The following RAB35 variants were observed in gnomAD, a reference collection of about 807,000 sequenced individuals.
RAB35 encodes the protein RAB35, member RAS oncogene family, also known as ras-related protein Rab-35.
Under a neutral mutation model 28.9 loss-of-function variants are expected in RAB35, and 4 were observed. That is an observed-to-expected ratio of 0.14 (90% CI 0.07 to 0.32). The LOEUF (loss-of-function observed/expected upper bound fraction) is 0.32. Ranked by LOEUF, RAB35 falls within the 10% of genes least tolerant of loss-of-function variation. RAB35 has a pLI of 1.00. For missense variants in RAB35, 128 were observed against 274.0 expected, an observed-to-expected ratio of 0.47 and a Z score of 3.76; for synonymous variants, 99 against 105.1, an observed-to-expected ratio of 0.94 and a Z score of 0.35.
intron 3 of RAB35, 162 bp from the exon 4 acceptor site, chr12:120,099,316 G>T: frequency 2.2e-6 from 2 of 901,592 alleles, no homozygotes; most frequent in Non-Finnish European, 3.3e-6. Context: ...GCCACAACAG[G>T]CCAGCAGGAG....
At chr12:120,114,738 A>G (rs183976481) in intron 1 of RAB35, among the ~76,000 whole-genome samples, 1 of 152,312 alleles carries the variant, frequency 6.6e-6, no homozygotes, top group African/African-American at 2.4e-5. Flanking sequence ...TCAATTCATC[A>G]CACAAAATGT....
intron 3 of RAB35, among the ~76,000 whole-genome samples, chr12:120,101,731 A>G (rs1875664843): frequency 7.0e-6 from 1 of 142,654 alleles, no homozygotes; most frequent in African/African-American, 2.8e-5. Context: ...CTGCTTCCCC[A>G]GACACGTGGG....
At chr12:120,106,205 G>C (rs1875866171) in intron 2 of RAB35, among the ~76,000 whole-genome samples, 1 of 152,154 alleles carries the variant, frequency 6.6e-6, no homozygotes. Context: ...GGATGGGGAG[G>C]GAGGAGGCCA....
chr12:120,113,600 C>T (rs984217677), intron 1 of RAB35, among the ~76,000 whole-genome samples: 1 of 152,034 alleles, frequency 6.6e-6, no homozygotes, highest in Non-Finnish European at 1.5e-5. Context: ...GGGCGGATCA[C>T]GAGGTCAGGA....
intron 3 of RAB35, 55 bp from the exon 4 acceptor site, chr12:120,099,209 G>C (rs1393871920): frequency 2.5e-6 from 4 of 1,608,438 alleles, no homozygotes; most frequent in African/African-American, 2.7e-5. Flanking sequence ...TCACCCCCTT[G>C]CCGGGACCCA....
chr12:120,108,499 G>A lies in RAB35; in HGVS notation c.53-32C>T, dbSNP rs769016925. ...GAGAGAAAGCACTGCGATGAGGGGG[G>A]CAGGTGGGTCCCCTCCCCGCAGCCC... On this transcript the variant is annotated intron_variant, in intron 1 of 5. Transcript: ENST00000229340. 6 of 1,603,060 alleles carry A rather than the reference G, an allele frequency of 3.7e-6. No individual in the cohort carries two copies. The East Asian group carries it at 8.9e-5, about 24-fold the overall frequency.
At chr12:120,107,069 A>G (rs540799998) in intron 2 of RAB35, among the ~76,000 whole-genome samples, 1 of 149,174 alleles carries the variant, frequency 6.7e-6, no homozygotes, top group South Asian at 2.1e-4. Flanking sequence ...GCTCACTGCA[A>G]CCTCCCTCTC....
intron 1 of RAB35, among the ~76,000 whole-genome samples, chr12:120,110,245 T>C (rs2139060110): frequency 6.7e-6 from 1 of 149,792 alleles, no homozygotes; most frequent in South Asian, 2.1e-4. Context: ...TGAAACAAAG[T>C]GCAGATTTGA....
Position 120,108,104 on chromosome 12 carries a change from G to A in RAB35, c.103+313C>T, listed in dbSNP as rs7135839. Among the ~76,000 whole-genome samples, 646 of 152,058 alleles carry A rather than the reference G, an allele frequency of 4.2e-3. 3 individuals are homozygous for A. The highest frequency in any genetic ancestry group is 0.013 in the African/African-American group (558 of 41,500). On this transcript the variant is annotated intron_variant, in intron 2 of 5. Transcript: ENST00000229340. ...CCACAGGCTGCCAGGGAGGCATAGG[G>A]GGCAGGAGCAGGGACTGTGTCCCGG... is the stretch of plus-strand genomic sequence containing the variant.
chr12:120,110,301 T>TTTTTTTTTTTTTTTTTTTTTTTTG, intron 1 of RAB35, among the ~76,000 whole-genome samples: 1 of 147,064 alleles, frequency 6.8e-6, no homozygotes, highest in African/African-American at 2.5e-5. Context: ...TTTTTTTTTT[T>TTTTTTTTTTTTTTTTTTTTTTTTG]TTTGGAGAGA....
chr12:120,108,823 G>C (rs1291287508), intron 1 of RAB35: 1 of 416,524 alleles, frequency 2.4e-6, no homozygotes, highest in African/African-American at 2.0e-5. Context: ...CCCCAAGTGC[G>C]TCTACAACAT....
chr12:120,101,425 G>A (rs560514633), intron 3 of RAB35, among the ~76,000 whole-genome samples: 72 of 152,274 alleles, frequency 4.7e-4, no homozygotes, highest in African/African-American at 1.5e-3. Flanking sequence ...TCTCAGGGCC[G>A]GCAAACCTCA....
chr12:120,107,134 A>C (rs187786576), intron 2 of RAB35, among the ~76,000 whole-genome samples: 4 of 151,792 alleles, frequency 2.6e-5, no homozygotes, highest in Admixed American at 2.6e-4. Context: ...GATTATAGGT[A>C]TGCACCACCA....
intron 1 of RAB35, among the ~76,000 whole-genome samples, chr12:120,108,857 C>T (rs1447298311): frequency 1.3e-5 from 2 of 152,228 alleles, no homozygotes; most frequent in South Asian, 2.1e-4. Context: ...GTGCACAGCA[C>T]GTTGTAGCAC....
At chr12:120,098,263 A>G (rs1273995224) in intron 5 of RAB35, among the ~76,000 whole-genome samples, 1 of 152,228 alleles carries the variant, frequency 6.6e-6, no homozygotes, top group East Asian at 1.9e-4. Flanking sequence ...TGCCTGCTCC[A>G]CGCCACTTCA....
intron 2 of RAB35, among the ~76,000 whole-genome samples, chr12:120,106,661 G>A (rs1015740437): frequency 2.0e-5 from 3 of 148,556 alleles, no homozygotes; most frequent in African/African-American, 5.0e-5. Context: ...ACAAGATCTC[G>A]GCTCACTGCA....
Position 120,110,189 on chromosome 12 carries a change from C to A in RAB35, c.53-1722G>T, listed in dbSNP as rs6490285. 4.1e-3 allele frequency among the ~76,000 whole-genome samples: 623 copies of A among 151,788 alleles called. 3 individuals are homozygous for A. The highest frequency in any genetic ancestry group is 0.013 in the African/African-American group (535 of 41,364). On this transcript the variant is annotated intron_variant, in intron 1 of 5. Coordinates refer to ENST00000229340, the MANE Select transcript of RAB35 (RefSeq NM_006861.7). ...CCTGTGGGGGCTCCAACATCTCACTCCTGTTAGATTTTTAATGAAAATGCC... is the reference window on the plus strand; with the variant it reads ...CCTGTGGGGGCTCCAACATCTCACTACTGTTAGATTTTTAATGAAAATGCC...
At position 120,097,086 on chromosome 12, in the gene RAB35, G is replaced by T; in HGVS notation, c.*159C>A. The T allele has an allele frequency of 1.9e-6, 3 of 1,564,148 alleles. No homozygotes were observed. Among genetic ancestry groups the T allele is most frequent in the Non-Finnish European group, 2.6e-6 (3 of 1,160,914 alleles). On this transcript the variant is annotated 3_prime_UTR_variant, in exon 6 of 6. Transcript: ENST00000229340. ...CCAACACCTTCTTGGCACTCGAGGA[G>T]GGCGGGGGAGGAAGTGCCGATGGCA...
rs201819683 is a variant in RAB35, at chr12:120,099,154, C to T, written c.228G>A (p.Thr76=). 1.9e-5 allele frequency: 31 copies of T among 1,614,214 alleles called. No homozygotes were observed. Among genetic ancestry groups the T allele is most frequent in the Non-Finnish European group, 2.5e-5 (30 of 1,180,034 alleles). ...TGACCCCGTGGGTCCCCCGATAATACCTGCAGGGCCAGAGTGTGCGGCAGC... is the reference window on the plus strand; with the variant it reads ...TGACCCCGTGGGTCCCCCGATAATATCTGCAGGGCCAGAGTGTGCGGCAGC... ...GQERFRTITS[T]YYRGTHGVIV... The change falls in exon 4 of 6, where the codon ACG becomes ACA. Residue 76 remains threonine, a splice_region_variant and synonymous_variant. Coordinates refer to ENST00000229340, the MANE Select transcript of RAB35 (RefSeq NM_006861.7).
Sources: gnomAD v4.1 joint callset for allele counts (sites outside exome capture counted in the v4.1 genomes callset) on GRCh38, gnomAD v4.1.1 for gene constraint, MANE v1.5 for transcripts, NCBI Gene and HGNC (gene_info 2026-07-23, HGNC 2026-07-21) for gene names.